CACNA1B: variants seen among roughly 807,000 people sequenced by gnomAD.
CACNA1B encodes the protein calcium voltage-gated channel subunit alpha1 B.
Under a neutral mutation model 247.2 loss-of-function variants are expected in CACNA1B, and 70 were observed. The observed-to-expected ratio is 0.28, with a 90% CI of 0.23 to 0.35. The LOEUF is 0.35. Among genes scored for constraint, CACNA1B ranks in the 10% least tolerant of loss-of-function variants. The pLI, the probability that CACNA1B is intolerant of heterozygous loss-of-function variation, is 1.00. For synonymous variants in CACNA1B, 1,231 were observed against 1,294.4 expected, an observed-to-expected ratio of 0.95 and a Z score of 1.05; for missense variants, 2,367 against 3,197.4, an observed-to-expected ratio of 0.74 and a Z score of 6.26.
rs186726058 is a variant in CACNA1B at position 137,961,678 on chromosome 9, T to C, written c.1333+3991T>C. Among the ~76,000 whole-genome samples, 170 of 152,344 alleles carry C rather than the reference T, an allele frequency of 1.1e-3. No homozygotes were observed. In the Middle Eastern group the frequency reaches 0.014, roughly 12 times the overall value. On this transcript the variant is annotated intron_variant, in intron 10 of 46. Coordinates refer to ENST00000371372, the MANE Select transcript of CACNA1B (RefSeq NM_000718.4). ...ATGTGATGAATCACATTTATTGATT[T>C]GGGTATGTTGAACCAACCTTGCATC...
Position 138,087,713 on chromosome 9 carries a change from C to CAAAAA in CACNA1B, c.5095-8749_5095-8745dup, listed in dbSNP as rs57138546. ...CTGGTGACAGAGTGAGACTCCGTCTCAAAAAAAAAAAAAAAAAAAAAAAAA... is the reference window on the plus strand; with the variant it reads ...CTGGTGACAGAGTGAGACTCCGTCTCAAAAAAAAAAAAAAAAAAAAAAAAAAAAAA... On this transcript the variant is annotated intron_variant, in intron 36 of 46. Coordinates refer to ENST00000371372, the MANE Select transcript of CACNA1B (RefSeq NM_000718.4). Among the ~76,000 whole-genome samples, 50 of 35,460 alleles carry CAAAAA rather than the reference C, an allele frequency of 1.4e-3. 5 individuals carry two copies. In the East Asian group the frequency reaches 0.023, roughly 17 times the overall value. The allele number at this position is 35,460 out of a possible 152,430, so 23.3% of individuals were successfully genotyped here. A position where few individuals can be genotyped will look rare whatever the true frequency, so the allele number is the denominator to read the frequency against.
chr9:137,945,484 C>G (rs553327945), intron 6 of CACNA1B, among the ~76,000 whole-genome samples: 16 of 152,320 alleles, frequency 1.1e-4, no homozygotes, highest in African/African-American at 3.6e-4. Context: ...TGGAACGGTT[C>G]CCTTCACAAT....
intron 3 of CACNA1B, among the ~76,000 whole-genome samples, chr9:137,903,439 C>T (rs1957262591): frequency 6.6e-6 from 1 of 152,206 alleles, no homozygotes; most frequent in Non-Finnish European, 1.5e-5. Context: ...TGCTTCGACT[C>T]ATACGCATCA....
At chr9:137,883,389 G>T (rs556427671) in intron 3 of CACNA1B, among the ~76,000 whole-genome samples, 1 of 152,306 alleles carries the variant, frequency 6.6e-6, no homozygotes, top group South Asian at 2.1e-4. Context: ...TGTGTGTGTC[G>T]AGTGCTTTCA....
chr9:138,040,595 G>A lies in CACNA1B; in HGVS notation c.3287-3179G>A, dbSNP rs1286869202. 2.1e-5 allele frequency: 9 copies of A among 438,038 alleles called. No individual in the cohort carries two copies. The East Asian group carries it at 2.2e-4, about 11-fold the overall frequency. The allele number at this position is 438,038 out of a possible 1,614,324, so 27.1% of individuals were successfully genotyped here. A position where few individuals can be genotyped will look rare whatever the true frequency, so the allele number is the denominator to read the frequency against. The stretch of plus-strand genomic sequence containing the variant: ...GCTGAGGAGCAAGGAGAGCCAGCCC[G>A]AGTCTCAAAGCTGAACTTGGAGTCC... On this transcript the variant is annotated intron_variant, in intron 20 of 46. Coordinates refer to ENST00000371372, the MANE Select transcript of CACNA1B (RefSeq NM_000718.4).
At chr9:138,040,848 A>C (rs1028847977) in intron 20 of CACNA1B, among the ~76,000 whole-genome samples, 1 of 152,140 alleles carries the variant, frequency 6.6e-6, no homozygotes, top group Non-Finnish European at 1.5e-5. Flanking sequence ...TGTATCCTTC[A>C]ATCCAATCAA....
rs1055429251 is a variant in CACNA1B at position 138,051,506 on chromosome 9, T to TCCA, written c.3711-582_3711-580dup. On this transcript the variant is annotated intron_variant, in intron 24 of 46. Transcript: ENST00000371372. The surrounding 1 kb of genome is among the most constrained non-coding windows in gnomAD (Gnocchi z 4.3). ...CTCCCTCTCCCCTTGTTTGTCTTAGTCCACCATGCCTCTTGCATTGCCTCT... is the reference window on the plus strand; with the variant it reads ...CTCCCTCTCCCCTTGTTTGTCTTAGTCCACCACCATGCCTCTTGCATTGCCTCT... Among the ~76,000 whole-genome samples the TCCA allele has an allele frequency of 6.8e-6, 1 of 147,840 alleles. No individual in the cohort carries two copies. Among genetic ancestry groups the TCCA allele is most frequent in the African/African-American group, 2.5e-5 (1 of 39,778 alleles).
At chr9:138,066,181 G>A (rs1323567731) in intron 31 of CACNA1B, among the ~76,000 whole-genome samples, 1 of 152,232 alleles carries the variant, frequency 6.6e-6, no homozygotes, top group Non-Finnish European at 1.5e-5. Flanking sequence ...AGCTCTGAGG[G>A]TAGTGTGGAT....
At chr9:137,929,769 C>G (rs981020221) in intron 6 of CACNA1B, among the ~76,000 whole-genome samples, 8 of 151,894 alleles carry the variant, frequency 5.3e-5, no homozygotes, top group African/African-American at 1.9e-4. Context: ...CCTCCCACCT[C>G]AGCTTGGGAG....
At chr9:138,048,565 T>C (rs545388542) in intron 23 of CACNA1B, among the ~76,000 whole-genome samples, 1 of 152,180 alleles carries the variant, frequency 6.6e-6, no homozygotes, top group Non-Finnish European at 1.5e-5. Flanking sequence ...TGACAGGGCA[T>C]GTAAAGGTGT....
In CACNA1B at chr9:138,054,872, A is replaced by G. The variant is rs1959436564; in HGVS notation, c.3968+866A>G. 6.6e-6 allele frequency among the ~76,000 whole-genome samples: 1 copy of G among 151,874 alleles called. No homozygotes were observed. The highest frequency in any genetic ancestry group is 1.5e-5 in the Non-Finnish European group (1 of 67,982). On this transcript the variant is annotated intron_variant, in intron 26 of 46. Coordinates refer to ENST00000371372, the MANE Select transcript of CACNA1B (RefSeq NM_000718.4). The surrounding 1 kb of genome is among the most constrained non-coding windows in gnomAD (Gnocchi z 4.6). Reference sequence around the variant, plus strand: ...GTCATTCACCGTGGTTTAATTTTGCACTTGTGTGATGACCAATGAGATTGA... The same window carrying G: ...GTCATTCACCGTGGTTTAATTTTGCGCTTGTGTGATGACCAATGAGATTGA...
At chr9:138,103,682 G>C (rs920925733) in intron 38 of CACNA1B, among the ~76,000 whole-genome samples, 2 of 152,224 alleles carry the variant, frequency 1.3e-5, no homozygotes, top group Non-Finnish European at 2.9e-5. Context: ...GCCCTCCTGA[G>C]GCCCCCACTG....
rs1275158844 is a variant in CACNA1B at position 138,023,583 on chromosome 9, G to T, written c.2840G>T (p.Cys947Phe). The T allele has an allele frequency of 5.6e-6, 6 of 1,078,114 alleles. No individual in the cohort carries two copies. Among genetic ancestry groups the T allele is most frequent in the African/African-American group, 1.7e-5 (1 of 58,022 alleles). The allele number at this position is 1,078,114 out of a possible 1,614,324, so 66.8% of individuals were successfully genotyped here. A position where few individuals can be genotyped will look rare whatever the true frequency, so the allele number is the denominator to read the frequency against. The part of the protein sequence containing the change: ...AHRHQDPSKE[C>F]AGAKGERRAR... ...CGGCACCAGGATCCGAGCAAGGAGT[G>T]CGCCGGCGCCAAGGGCGAGCGGCGC... Residue 947 changes from cysteine to phenylalanine, a missense_variant, in exon 19 of 47, where the codon TGC becomes TTC. Physicochemically the swap from Cys to Phe is radical, Grantham distance 205. Transcript: ENST00000371372.
At chr9:137,963,660 G>T (rs1226713817) in intron 10 of CACNA1B, among the ~76,000 whole-genome samples, 1 of 152,288 alleles carries the variant, frequency 6.6e-6, no homozygotes, top group East Asian at 1.9e-4. Context: ...GCCTCCCAAG[G>T]TGCTGGGATT....
At chr9:137,908,100 C>G (rs1564884341) in intron 3 of CACNA1B, among the ~76,000 whole-genome samples, 1 of 152,214 alleles carries the variant, frequency 6.6e-6, no homozygotes, top group Non-Finnish European at 1.5e-5. Context: ...GAAGCAAGAG[C>G]TAATTTCCTG....
At position 138,025,122 on chromosome 9, in the gene CACNA1B, A is replaced by C. The variant is rs1400183099; in HGVS notation, c.3236A>C (p.His1079Pro). 1.2e-6 allele frequency: 2 copies of C among 1,613,466 alleles called. No homozygotes were observed. Among genetic ancestry groups the C allele is most frequent in the Non-Finnish European group, 1.7e-6 (2 of 1,179,680 alleles). ...SQPPDPNTIV[H>P]IPVMLTGPLG... ...CCCCCAGACCCGAACACTATTGTACATATCCCAGTGATGCTGACGGGCCCT... is the reference window on the plus strand; with the variant it reads ...CCCCCAGACCCGAACACTATTGTACCTATCCCAGTGATGCTGACGGGCCCT... Residue 1079 changes from histidine (H) to proline (P), a missense_variant, in exon 20 of 47, where the codon CAT becomes CCT. Coordinates refer to ENST00000371372, the MANE Select transcript of CACNA1B (RefSeq NM_000718.4).
chr9:138,087,713 C>CAAA (rs57138546), intron 36 of CACNA1B, among the ~76,000 whole-genome samples: 3 of 35,456 alleles, frequency 8.5e-5, no homozygotes, highest in Non-Finnish European at 2.0e-4. Context: ...GACTCCGTCT[C>CAAA]AAAAAAAAAA....
rs975300699 is a variant in CACNA1B, at chr9:137,975,234, T to C, written c.1544-673T>C. 7.2e-5 allele frequency among the ~76,000 whole-genome samples: 11 copies of C among 152,264 alleles called. No homozygotes were observed. The South Asian group carries it at 1.9e-3, about 26-fold the overall frequency. ...GCCCAAGACAGCCCCCCTCCACTGC[T>C]GCTGTGCCCGCAGGAACCTCTGTGT... is the stretch of plus-strand genomic sequence containing the variant. On this transcript the variant is annotated intron_variant, in intron 11 of 46. Transcript: ENST00000371372.
At position 137,948,363 on chromosome 9, in the gene CACNA1B, T is replaced by C. The variant is rs186778618; in HGVS notation, c.967-3911T>C. 3.9e-5 allele frequency among the ~76,000 whole-genome samples: 6 copies of C among 152,334 alleles called. No homozygotes were observed. The East Asian group carries it at 7.7e-4, about 20-fold the overall frequency. On this transcript the variant is annotated intron_variant, in intron 6 of 46. Transcript: ENST00000371372. ...GACATGAATATCAGATCATTTGTTA[T>C]AGTCCCATGGGTTTTTGAGGTTCAC... is the stretch of plus-strand genomic sequence containing the variant.
Sources: gnomAD v4.1 joint callset for allele counts (sites outside exome capture counted in the v4.1 genomes callset) on GRCh38, gnomAD v4.1.1 for gene constraint, Gnocchi (gnomAD v3.1) non-coding constraint, MANE v1.5 for transcripts, NCBI Gene and HGNC (gene_info 2026-07-23, HGNC 2026-07-21) for gene names.